NUP188: variants seen among roughly 807,000 people sequenced by gnomAD.
NUP188 encodes nucleoporin 188.
Under a neutral mutation model 223.0 loss-of-function variants are expected in NUP188, and 97 were observed. The observed-to-expected ratio is 0.43, with a 90% CI of 0.37 to 0.51. NUP188 has a LOEUF of 0.51. Ranked by LOEUF, NUP188 falls within the 20% of genes least tolerant of loss-of-function variation. The probability of loss-of-function intolerance (pLI) is 0.00; values close to 1 mark genes in which losing one functional copy is unlikely to be tolerated. For missense variants in NUP188, 1,947 were observed against 2,175.6 expected (o/e 0.89, Z 2.09); for synonymous variants, 869 against 828.0 (o/e 1.05, Z -0.85).
chr9:128,977,269 G>A (rs979130401), intron 12 of NUP188, among the ~76,000 whole-genome samples: 1 of 151,712 alleles, frequency 6.6e-6, no homozygotes, highest in Non-Finnish European at 1.5e-5. Flanking sequence ...ACAGGCGCCC[G>A]CCGCCATACC....
chr9:129,005,717 G>A lies in NUP188; in HGVS notation c.4810G>A (p.Ala1604Thr). The change falls in exon 41 of 44, where the codon GCC becomes ACC. Residue 1604 changes from alanine to threonine, a missense_variant. By Grantham distance (58) the Ala-to-Thr change is moderately conservative. Coordinates refer to ENST00000372577, the MANE Select transcript of NUP188 (RefSeq NM_015354.3). ...CACTCCCACCTTTGACTCCGAAGTG[G>A]CCCCCTCCTTCGGGACCCTTCTGGC... ...FTTPTFDSEV[A>T]PSFGTLLATV... The A allele has an allele frequency of 6.2e-7, 1 of 1,614,036 alleles. No individual in the cohort carries two copies. Among genetic ancestry groups the A allele is most frequent in the Admixed American group, 1.7e-5 (1 of 60,002 alleles).
In NUP188 at chr9:129,002,948, G is replaced by A; in HGVS notation, c.4269G>A (p.Val1423=). Residue 1423 remains valine, a synonymous_variant, in exon 37 of 44, where the codon GTG becomes GTA. Transcript: ENST00000372577. ...TCCTGCCTGAGGCCCTGGACTTCGT[G>A]GGTGTCCACCAGGAGCGGACCTTAC... ...YNFLPEALDF[V]GVHQERTLQC... The A allele has an allele frequency of 6.2e-7, 1 of 1,614,186 alleles. No homozygotes were observed. Among genetic ancestry groups the A allele is most frequent in the South Asian group, 1.1e-5 (1 of 91,080 alleles).
chr9:128,968,738 T>C (rs1389619644), intron 9 of NUP188, 21 bp downstream of exon 9: 2 of 1,567,782 alleles, frequency 1.3e-6, no homozygotes, highest in Non-Finnish European at 1.8e-6. Flanking sequence ...GAATTGAACA[T>C]CATGGAACTT....
chr9:128,982,686 G>A lies in NUP188; in HGVS notation c.1654G>A (p.Val552Ile), dbSNP rs1842273276. The A allele has an allele frequency of 1.2e-6, 2 of 1,613,934 alleles. No homozygotes were observed. Among genetic ancestry groups the A allele is most frequent in the Non-Finnish European group, 1.7e-6 (2 of 1,180,010 alleles). ...FTCEIEMLLH[V>I]VSTADVIQHC... ...CTGCGAGATTGAAATGTTGCTTCAT[G>A]TTGTTTCAACTGCAGGTAAGGTCAG... is the stretch of plus-strand genomic sequence containing the variant. Residue 552 changes from valine (V) to isoleucine (I), a missense_variant, in exon 16 of 44, where the codon GTT becomes ATT. Val to Ile is a conservative substitution (Grantham distance 29). Around this residue, in one of 3 missense-constraint regions of NUP188, gnomAD observed 817 missense variants for 865.8 expected, o/e 0.94. Coordinates refer to ENST00000372577, the MANE Select transcript of NUP188 (RefSeq NM_015354.3).
chr9:128,993,967 T>C (rs1255937440), intron 27 of NUP188, among the ~76,000 whole-genome samples: 10 of 152,318 alleles, frequency 6.6e-5, no homozygotes, highest in Middle Eastern at 3.4e-3. Context: ...TGAGAAACAG[T>C]AGATTCAGGA....
At chr9:128,970,444 G>A (rs956083293) in intron 10 of NUP188, among the ~76,000 whole-genome samples, 1 of 152,198 alleles carries the variant, frequency 6.6e-6, no homozygotes, top group African/African-American at 2.4e-5. Context: ...TGGTTAGGAA[G>A]ATAGAAAATG....
In NUP188 at chr9:128,973,261, G is replaced by T. The variant is rs1342228566; in HGVS notation, c.1203+12G>T. On this transcript the variant is annotated intron_variant, in intron 12 of 43. Coordinates refer to ENST00000372577, the MANE Select transcript of NUP188 (RefSeq NM_015354.3). ...TGGGCAATCAGCAGGTCAGTGTCTG[G>T]CTTTCATGAAGCTGTCTCTACTGCC... 6.2e-7 allele frequency: 1 copy of T among 1,607,864 alleles called. No homozygotes were observed. The highest frequency in any genetic ancestry group is 2.2e-5 in the East Asian group (1 of 44,828).
At position 128,984,979 on chromosome 9, in the gene NUP188, A is replaced by G. The variant is rs748870624; in HGVS notation, c.2041A>G (p.Ile681Val). 4.8e-5 allele frequency: 77 copies of G among 1,613,572 alleles called. No homozygotes were observed. Among genetic ancestry groups the G allele is most frequent in the Non-Finnish European group, 5.8e-5 (68 of 1,179,820 alleles). The change falls in exon 20 of 44, where the codon ATT becomes GTT. Residue 681 changes from isoleucine (I) to valine (V), a missense_variant. Around this residue, in one of 3 missense-constraint regions of NUP188, gnomAD observed 817 missense variants for 865.8 expected, o/e 0.94. Coordinates refer to ENST00000372577, the MANE Select transcript of NUP188 (RefSeq NM_015354.3). ...GCCTCAGGGCGAGTATGGGGTTACT[A>G]TTGCCTTTCTGCGCTTGATCACCAC... ...EQPQGEYGVT[I>V]AFLRLITTLV...
At chr9:129,002,731 G>A (rs1842693874) in intron 36 of NUP188, 86 bp from the exon 37 acceptor site, 11 of 1,413,400 alleles carry the variant, frequency 7.8e-6, no homozygotes, top group Non-Finnish European at 1.1e-5. Flanking sequence ...TCCTTTCAGC[G>A]CAGCTGGGCT....
rs546532541 is a variant in NUP188 at position 128,993,713 on chromosome 9, G to A, written c.3017+19G>A. Reference sequence around the variant, plus strand: ...GAACCAAGTAAGTCTGCCTCTGGGAGTAGTTTCATTGTTCTGGTCTATAAA... The same window carrying A: ...GAACCAAGTAAGTCTGCCTCTGGGAATAGTTTCATTGTTCTGGTCTATAAA... On this transcript the variant is annotated intron_variant, in intron 27 of 43. Transcript: ENST00000372577. 2.0e-5 allele frequency: 32 copies of A among 1,611,470 alleles called. No individual in the cohort carries two copies. In the Admixed American group the frequency reaches 5.0e-4, roughly 25 times the overall value.
chr9:128,954,541 C>T lies in NUP188; in HGVS notation c.161+1695C>T, dbSNP rs902835038. Among the ~76,000 whole-genome samples, 92 of 151,966 alleles carry T rather than the reference C, an allele frequency of 6.1e-4. 1 individual carries two copies. Among genetic ancestry groups the T allele is most frequent in the Non-Finnish European group, 1.5e-4 (10 of 67,990 alleles). On this transcript the variant is annotated intron_variant, in intron 3 of 43. Transcript: ENST00000372577. The stretch of plus-strand genomic sequence containing the variant: ...CAGGGACTACAGGCGCCCGCCACCA[C>T]GCCTGGCTAATTTTTTGTATTTTTA...
chr9:128,962,082 T>C (rs1841963450), intron 8 of NUP188, among the ~76,000 whole-genome samples: 1 of 150,796 alleles, frequency 6.6e-6, no homozygotes, highest in Admixed American at 6.6e-5. Flanking sequence ...ATTAAAGGCA[T>C]GCGCCACCAC....
Position 128,949,191 on chromosome 9 carries a change from G to T in NUP188, c.35G>T (p.Ser12Ile), listed in dbSNP as rs760669392. 6.2e-7 allele frequency: 1 copy of T among 1,611,508 alleles called. No homozygotes were observed. The highest frequency in any genetic ancestry group is 1.7e-5 in the Admixed American group (1 of 59,932). Residue 12 changes from serine (S) to isoleucine (I), a missense_variant and splice_region_variant, in exon 2 of 44, where the codon AGC becomes ATC. Transcript: ENST00000372577. The stretch of plus-strand genomic sequence containing the variant: ...ACCTCTGTTCTCTCATTTTGCAGGA[G>T]CAGTAGAGAACTGTGGACTATTCTG... ...AAAAGGPCVRSSRELWTILLG... is the reference protein window; with the variant it reads ...AAAAGGPCVRISRELWTILLG...
At chr9:128,977,030 G>A (rs554760704) in intron 12 of NUP188, among the ~76,000 whole-genome samples, 3 of 151,986 alleles carry the variant, frequency 2.0e-5, no homozygotes, top group Admixed American at 1.3e-4. Flanking sequence ...CTGAGATGGC[G>A]TCGCTGCACT....
intron 6 of NUP188, among the ~76,000 whole-genome samples, chr9:128,958,586 G>A (rs769475970): frequency 6.6e-6 from 1 of 152,134 alleles, no homozygotes; most frequent in Non-Finnish European, 1.5e-5. Context: ...TGTGTATATT[G>A]TTAAACAATT....
In NUP188 at chr9:129,007,001, T is replaced by G. The variant is rs770631934; in HGVS notation, c.*323T>G. On this transcript the variant is annotated 3_prime_UTR_variant, in exon 44 of 44. Coordinates refer to ENST00000372577, the MANE Select transcript of NUP188 (RefSeq NM_015354.3). ...GGCGGCAGCCCAGCAGAGGGCTCTA[T>G]GCACGGGTTTCAAACCTGTTTTCCA... 10 of 271,074 alleles carry G rather than the reference T, an allele frequency of 3.7e-5. No homozygotes were observed. The highest frequency in any genetic ancestry group is 6.9e-5 in the Non-Finnish European group (10 of 144,118). The allele number at this position is 271,074 out of a possible 1,614,324, so 16.8% of individuals were successfully genotyped here. A position where few individuals can be genotyped will look rare whatever the true frequency, so the allele number is the denominator to read the frequency against.
At chr9:128,993,824 G>T (rs1196550284) in intron 27 of NUP188, 130 bp downstream of exon 27, 1 of 754,556 alleles carries the variant, frequency 1.3e-6, no homozygotes, top group Non-Finnish European at 2.1e-6. Flanking sequence ...TCAATACCTG[G>T]GAGTTTTACA....
rs1193631566 is a variant in NUP188, at chr9:128,984,124, A to AT, written c.1961+593dup. ...GGCGTGAGCCACCGCGCCTGGCCTG[A>AT]TTTTTTTTTTTTTTTTTTTGAGATG... On this transcript the variant is annotated intron_variant, in intron 19 of 43. Transcript: ENST00000372577. 8.5e-3 allele frequency among the ~76,000 whole-genome samples: 792 copies of AT among 93,020 alleles called. 74 individuals are homozygous for AT. The highest frequency in any genetic ancestry group is 0.066 in the East Asian group (196 of 2,964). 61.0% of individuals were successfully genotyped at this position (93,020 alleles called of 152,430 possible). A position where few individuals can be genotyped will look rare whatever the true frequency, so the allele number is the denominator to read the frequency against.
intron 30 of NUP188, among the ~76,000 whole-genome samples, chr9:128,996,247 T>C (rs951772306): frequency 3.3e-5 from 5 of 152,060 alleles, no homozygotes; most frequent in Non-Finnish European, 7.4e-5. Flanking sequence ...CCTTCCGGGT[T>C]CAAGGAATTC....
Sources: gnomAD v4.1 joint callset for allele counts (sites outside exome capture counted in the v4.1 genomes callset) on GRCh38, gnomAD v4.1.1 for gene constraint, gnomAD v4.1.1 regional missense constraint, MANE v1.5 for transcripts, NCBI Gene and HGNC (gene_info 2026-07-23, HGNC 2026-07-21) for gene names.